TRIM16: variants seen among roughly 807,000 people sequenced by gnomAD.
The protein encoded by TRIM16 is tripartite motif containing 16.
Under a neutral mutation model 50.4 loss-of-function variants are expected in TRIM16, and 33 were observed. The ratio of observed to expected loss-of-function variants is 0.65; its 90% CI spans 0.50 to 0.88. The LOEUF (loss-of-function observed/expected upper bound fraction) is 0.88, where lower values mean the gene tolerates loss of function less well. Ranked by LOEUF, TRIM16 falls within the 40% of genes least tolerant of loss-of-function variation. The pLI is 0.00. For missense variants in TRIM16, 581 were observed against 686.8 expected (o/e 0.85, Z 1.72); for synonymous variants, 229 against 270.7 (o/e 0.85, Z 1.51).
At chr17:15,653,390 G>A (rs1271450631) in intron 6 of TRIM16, among the ~76,000 whole-genome samples, 1 of 152,126 alleles carries the variant, frequency 6.6e-6, no homozygotes, top group Non-Finnish European at 1.5e-5. Context: ...ACAGTAAGAC[G>A]CATGGTGTGT....
intron 6 of TRIM16, 48 bp downstream of exon 6, chr17:15,677,128 C>A: frequency 1.1e-5 from 11 of 978,594 alleles, no homozygotes; most frequent in Non-Finnish European, 1.3e-5. Flanking sequence ...TTGGGAAGAA[C>A]CCCTAACTCT....
rs145313229 is a variant in TRIM16 at position 15,646,969 on chromosome 17, C to CT, written c.519+4121dup. ...TTCCCCAAAATGGCTGAAATAAATTCTTTTTTTTTTTTTTTGAGATGGAGT... is the reference window on the plus strand; with the variant it reads ...TTCCCCAAAATGGCTGAAATAAATTCTTTTTTTTTTTTTTTTGAGATGGAGT... On this transcript the variant is annotated intron_variant, in intron 7 of 11. Transcript: ENST00000649191. Among the ~76,000 whole-genome samples the CT allele has an allele frequency of 9.1e-3, 1,274 of 140,478 alleles. 13 individuals are homozygous for CT. Among genetic ancestry groups the CT allele is most frequent in the African/African-American group, 0.026 (1,001 of 38,426 alleles). The allele number at this position is 140,478 out of a possible 152,430, so 92.2% of individuals were successfully genotyped here. A position where few individuals can be genotyped will look rare whatever the true frequency, so the allele number is the denominator to read the frequency against.
intron 10 of TRIM16, 161 bp from the exon 11 acceptor site, chr17:15,631,875 T>C: frequency 1.5e-6 from 1 of 667,926 alleles, no homozygotes; most frequent in East Asian, 2.8e-5. Context: ...TACATTTCTT[T>C]CATAGGTAAG....
intron 7 of TRIM16, among the ~76,000 whole-genome samples, chr17:15,648,225 CAAA>C (rs542434481): frequency 2.6e-5 from 2 of 75,540 alleles, no homozygotes; most frequent in Admixed American, 1.6e-4. Flanking sequence ...GACTCCGTCT[CAAA>C]AAAAAAAAAA....
At chr17:15,672,731 TCAAACAAACAAA>T (rs747176468) in intron 6 of TRIM16, among the ~76,000 whole-genome samples, 2 of 151,924 alleles carry the variant, frequency 1.3e-5, no homozygotes, top group African/African-American at 4.8e-5. Flanking sequence ...AAACCCTGTC[TCAAACAAACAAA>T]CAAACAAACT....
intron 7 of TRIM16, among the ~76,000 whole-genome samples, chr17:15,647,446 C>T (rs2150914164): frequency 6.6e-6 from 1 of 152,320 alleles, no homozygotes; most frequent in East Asian, 1.9e-4. Context: ...AGCATCCAGT[C>T]CTGAACTTTC....
chr17:15,633,598 G>A (rs1192339464), intron 9 of TRIM16, among the ~76,000 whole-genome samples: 3 of 141,432 alleles, frequency 2.1e-5, no homozygotes, highest in African/African-American at 8.0e-5. Flanking sequence ...GGAGTGCAAT[G>A]GCGCAATCTC....
At chr17:15,660,772 C>T (rs1191935324) in intron 6 of TRIM16, among the ~76,000 whole-genome samples, 1 of 151,946 alleles carries the variant, frequency 6.6e-6, no homozygotes. Flanking sequence ...GTGGCAGGCG[C>T]CTGTAGTCCC....
rs1267788522 is a variant in TRIM16, at chr17:15,638,647, A to C, written c.616-2378T>G. On this transcript the variant is annotated intron_variant, in intron 8 of 11. Transcript: ENST00000649191. The stretch of plus-strand genomic sequence containing the variant: ...GAACATCAGGGCTCCAAAGTGAGTC[A>C]AATAGCAGATATCCTTGGGCAGAGG... 2.7e-5 allele frequency among the ~76,000 whole-genome samples: 4 copies of C among 149,140 alleles called. 1 individual carries two copies. Among genetic ancestry groups the C allele is most frequent in the African/African-American group, 7.4e-5 (3 of 40,276 alleles).
At chr17:15,656,576 T>A (rs1264388722) in intron 6 of TRIM16, among the ~76,000 whole-genome samples, 2 of 151,802 alleles carry the variant, frequency 1.3e-5, no homozygotes, top group Non-Finnish European at 2.9e-5. Flanking sequence ...TCCCCTTATG[T>A]GCCCCAAAAT....
chr17:15,629,080 G>A lies in TRIM16; in HGVS notation c.1230C>T (p.Ser410=). ...PWEHPYPDLP[S]RFLHWRQVLS... ...GCACCTGCCGCCAGTGCAGGAACCT[G>A]CTGGGGAGGTCCGGGTAGGGATGCT... The change falls in exon 12 of 12, where the codon AGC becomes AGT. Residue 410 remains serine, a synonymous_variant. Transcript: ENST00000649191. 1.2e-6 allele frequency: 2 copies of A among 1,613,968 alleles called. No individual in the cohort carries two copies. Among genetic ancestry groups the A allele is most frequent in the Non-Finnish European group, 8.5e-7 (1 of 1,179,880 alleles).
chr17:15,645,672 T>C (rs1352342134), intron 7 of TRIM16, among the ~76,000 whole-genome samples: 1 of 152,184 alleles, frequency 6.6e-6, no homozygotes, highest in Non-Finnish European at 1.5e-5. Flanking sequence ...ATAAACTGTC[T>C]CTCCATTCTC....
Position 15,664,956 on chromosome 17 carries a change from C to T in TRIM16, c.-338+12220G>A, listed in dbSNP as rs190471474. 5.4e-5 allele frequency among the ~76,000 whole-genome samples: 8 copies of T among 148,522 alleles called. No individual in the cohort carries two copies. The East Asian group carries it at 1.0e-3, about 19-fold the overall frequency. On this transcript the variant is annotated intron_variant, in intron 6 of 11. Transcript: ENST00000649191. The stretch of plus-strand genomic sequence containing the variant: ...GTGAGGTGGGAGGATTGCTTGAACC[C>T]GGGAGGTGGAGGTTGCAGTGAGCAG...
At chr17:15,637,425 G>A (rs1597610460) in intron 8 of TRIM16, among the ~76,000 whole-genome samples, 1 of 104,298 alleles carries the variant, frequency 9.6e-6, no homozygotes, top group Non-Finnish European at 2.0e-5. Context: ...CCGGCCAGCC[G>A]CCCCATCTGG....
intron 6 of TRIM16, among the ~76,000 whole-genome samples, chr17:15,656,642 G>C (rs542117117): frequency 6.6e-6 from 1 of 152,090 alleles, no homozygotes; most frequent in Non-Finnish European, 1.5e-5. Flanking sequence ...ATTCCCCTTA[G>C]TGACAGAAGA....
At chr17:15,647,833 A>T (rs1470857701) in intron 7 of TRIM16, among the ~76,000 whole-genome samples, 1 of 151,338 alleles carries the variant, frequency 6.6e-6, no homozygotes, top group Non-Finnish European at 1.5e-5. Context: ...ACACACACAC[A>T]CACACACACA....
At chr17:15,646,778 A>G (rs1987402270) in intron 7 of TRIM16, among the ~76,000 whole-genome samples, 1 of 151,966 alleles carries the variant, frequency 6.6e-6, no homozygotes, top group African/African-American at 2.4e-5. Context: ...AGAAGGAAGA[A>G]CTAGAGTCCA....
At position 15,651,767 on chromosome 17, in the gene TRIM16, T is replaced by A. The variant is rs895548136; in HGVS notation, c.-158A>T. On this transcript the variant is annotated 5_prime_UTR_variant, in exon 7 of 12. Coordinates refer to ENST00000649191, the MANE Select transcript of TRIM16 (RefSeq NM_001348119.1). ...GAGGAAGCTCGGCCACTCATTACTG[T>A]GTGCTGGCGCTGGATGGCAGCCAGA... 21 of 1,491,894 alleles carry A rather than the reference T, an allele frequency of 1.4e-5. No homozygotes were observed. The highest frequency in any genetic ancestry group is 1.8e-5 in the Non-Finnish European group (20 of 1,126,150). 92.4% of individuals were successfully genotyped at this position (1,491,894 alleles called of 1,614,324 possible).
At chr17:15,669,243 A>G (rs494460) in intron 6 of TRIM16, among the ~76,000 whole-genome samples, 117,500 of 151,050 alleles carry the variant, frequency 0.78, 46,162 homozygotes, top group African/African-American at 0.88. Context: ...CAGAAATAGC[A>G]GCATGACCAC....
Sources: allele counts gnomAD v4.1 joint callset (sites outside exome capture counted in the v4.1 genomes callset), GRCh38; gene constraint gnomAD v4.1.1; transcripts MANE v1.5; gene names NCBI Gene and HGNC (gene_info 2026-07-23, HGNC 2026-07-21).